The following COBLL1 variants were observed in gnomAD, a reference collection of about 807,000 sequenced individuals.
The protein encoded by COBLL1 is cordon-bleu WH2 repeat protein like 1, also known as cordon-bleu protein-like 1.
Under a neutral mutation model 94.8 loss-of-function variants are expected in COBLL1, and 50 were observed. That is an observed-to-expected ratio of 0.53 (90% CI 0.42 to 0.67). COBLL1 has a LOEUF of 0.67. COBLL1 is among the 30% of genes least tolerant of loss of function. COBLL1 has a pLI of 0.00. For missense variants in COBLL1, 1,362 were observed against 1,348.7 expected (o/e 1.01, Z -0.15); for synonymous variants, 448 against 473.8 (o/e 0.95, Z 0.71).
intron 2 of COBLL1, among the ~76,000 whole-genome samples, chr2:164,816,016 G>C (rs1684726111): frequency 6.6e-6 from 1 of 152,078 alleles, no homozygotes; most frequent in Non-Finnish European, 1.5e-5. Flanking sequence ...GAGAAATCTT[G>C]CACTAAGAAG....
chr2:164,833,223 ACATG>A (rs1683161516), intron 2 of COBLL1, among the ~76,000 whole-genome samples: 2 of 151,504 alleles, frequency 1.3e-5, no homozygotes, highest in South Asian at 4.2e-4. Context: ...GCATGGTGGC[ACATG>A]CCTGTAATTC....
chr2:164,696,322 T>C (rs1418490836), intron 11 of COBLL1: 1 of 152,288 alleles, frequency 6.6e-6, no homozygotes, highest in Non-Finnish European at 1.5e-5. Flanking sequence ...AGCATATTTA[T>C]ATTTTCATAC....
At chr2:164,841,871 G>C (rs142621843), upstream of COBLL1, 3 of 1,023,110 alleles carry the variant, frequency 2.9e-6, no homozygotes, top group Middle Eastern at 2.8e-4. This position sits in a 1 kb window ranked among gnomAD's most constrained non-coding sequence, Gnocchi z 5.5. Context: ...GGGCAGGGCC[G>C]ACTCAGCACC....
intron 7 of COBLL1, among the ~76,000 whole-genome samples, chr2:164,709,495 A>C (rs1214060674): frequency 6.6e-6 from 1 of 152,212 alleles, no homozygotes; most frequent in East Asian, 1.9e-4. Context: ...AGATAGGTAG[A>C]ATATCTGAGG....
intron 2 of COBLL1, among the ~76,000 whole-genome samples, chr2:164,658,417 AG>A (rs1304743853): frequency 6.6e-6 from 1 of 152,168 alleles, no homozygotes; most frequent in Non-Finnish European, 1.5e-5. Context: ...AGGCCGGTCC[AG>A]GGGTCCACGG....
chr2:164,703,041 C>T lies in COBLL1; in HGVS notation c.1225+1403G>A, dbSNP rs145114804. On this transcript the variant is annotated intron_variant, in intron 9 of 13. Coordinates refer to ENST00000652658, the MANE Select transcript of COBLL1 (RefSeq NM_001365672.2). ...AGGTTTCAATAGCTCATCAAATTTA[C>T]AGTCGATGATATCTTAACCTGCCTG... 3.3e-5 allele frequency: 29 copies of T among 883,774 alleles called. No homozygotes were observed. In the African/African-American group the frequency reaches 3.4e-4, roughly 10 times the overall value. 54.7% of individuals were successfully genotyped at this position (883,774 alleles called of 1,614,324 possible).
intron 2 of COBLL1, among the ~76,000 whole-genome samples, chr2:164,783,643 A>G (rs1688813228): frequency 6.6e-6 from 1 of 152,090 alleles, no homozygotes; most frequent in Non-Finnish European, 1.5e-5. Context: ...ACACTTTCAT[A>G]TTATAAGCAA....
At chr2:164,665,532 C>T (rs1008689936) in intron 2 of COBLL1, among the ~76,000 whole-genome samples, 4 of 150,564 alleles carry the variant, frequency 2.7e-5, no homozygotes, top group African/African-American at 9.8e-5. Context: ...GAAAACCCTA[C>T]CCCAGAAATT....
intron 2 of COBLL1, among the ~76,000 whole-genome samples, chr2:164,794,078 G>C (rs1242671658): frequency 6.6e-6 from 1 of 152,114 alleles, no homozygotes; most frequent in Non-Finnish European, 1.5e-5. Flanking sequence ...AGAAATGGCA[G>C]AGTAAATTTG....
In COBLL1 at chr2:164,824,302, A is replaced by T. The variant is rs749391293; in HGVS notation, c.41+16854T>A. On this transcript the variant is annotated intron_variant, in intron 2 of 13. Transcript: ENST00000652658. ...AGGCTGAGACGGGAGAATTGCTTGA[A>T]CCTGGGAGGTGGAGGTTGCAGTAAG... is the stretch of plus-strand genomic sequence containing the variant. 4.2e-4 allele frequency among the ~76,000 whole-genome samples: 64 copies of T among 151,622 alleles called. 1 individual carries two copies. Among genetic ancestry groups the T allele is most frequent in the Admixed American group, 2.6e-4 (4 of 15,176 alleles).
chr2:164,834,059 G>C (rs1683210221), intron 2 of COBLL1, among the ~76,000 whole-genome samples: 1 of 152,056 alleles, frequency 6.6e-6, no homozygotes, highest in Non-Finnish European at 1.5e-5. Context: ...TACTGTAGCA[G>C]ATGGGGGAAA....
rs140746906 is a variant in COBLL1 at position 164,732,034 on chromosome 2, C to T, written c.231-1919G>A. Among the ~76,000 whole-genome samples the T allele has an allele frequency of 9.9e-3, 1,503 of 152,186 alleles. 17 individuals are homozygous for T. The highest frequency in any genetic ancestry group is 0.018 in the Admixed American group (280 of 15,298). On this transcript the variant is annotated intron_variant, in intron 3 of 13. Transcript: ENST00000652658. ...AGCCCCCATCTCTACTTTCTGTGGT[C>T]GCTGCCTACTCCTAGGCCAGTCCAA...
intron 2 of COBLL1, among the ~76,000 whole-genome samples, chr2:164,787,949 T>C (rs1259150397): frequency 1.3e-5 from 2 of 152,210 alleles, no homozygotes; most frequent in East Asian, 3.8e-4. Flanking sequence ...TTTGAAAATG[T>C]GGGAAGCTCT....
intron 5 of COBLL1, among the ~76,000 whole-genome samples, chr2:164,725,405 C>A (rs1685676891): frequency 6.6e-6 from 1 of 151,628 alleles, no homozygotes; most frequent in African/African-American, 2.4e-5. Flanking sequence ...ATAAATATAA[C>A]CAGAATATTT....
intron 2 of COBLL1, among the ~76,000 whole-genome samples, chr2:164,834,988 A>T (rs1029602200): frequency 6.6e-6 from 1 of 152,182 alleles, no homozygotes; most frequent in African/African-American, 2.4e-5. Flanking sequence ...GGGGGGCTCT[A>T]TAACATAAAC....
intron 13 of COBLL1, 54 bp from the exon 14 acceptor site, chr2:164,686,086 T>C: frequency 3.2e-6 from 3 of 925,788 alleles, no homozygotes; most frequent in Non-Finnish European, 1.6e-6. Context: ...GATAGCTGTC[T>C]AATTTTCAAT....
At chr2:164,716,057 G>A (rs1203786386) in intron 7 of COBLL1, among the ~76,000 whole-genome samples, 1 of 152,112 alleles carries the variant, frequency 6.6e-6, no homozygotes, top group East Asian at 1.9e-4. Flanking sequence ...ATCAGCTTAT[G>A]AGGCTAATTT....
chr2:164,779,243 T>A (rs1481591722), intron 2 of COBLL1, among the ~76,000 whole-genome samples: 1 of 152,106 alleles, frequency 6.6e-6, no homozygotes, highest in African/African-American at 2.4e-5. Context: ...AACATGTAAA[T>A]ATTACCATAG....
rs538939790 is a variant in COBLL1 at position 164,696,860 on chromosome 2, T to C, written c.1556-1024A>G. 4 of 152,342 alleles carry C rather than the reference T, an allele frequency of 2.6e-5. No individual in the cohort carries two copies. The South Asian group carries it at 6.2e-4, about 24-fold the overall frequency. The allele number at this position is 152,342 out of a possible 1,614,324, so 9.4% of individuals were successfully genotyped here. On this transcript the variant is annotated intron_variant, in intron 11 of 13. Transcript: ENST00000652658. ...GCTTCCTGCACCATCACTGTGCTTATCTTCAAAACCCTAGTGGCCTTTTCA... is the reference window on the plus strand; with the variant it reads ...GCTTCCTGCACCATCACTGTGCTTACCTTCAAAACCCTAGTGGCCTTTTCA...
Sources: allele counts gnomAD v4.1 joint callset (sites outside exome capture counted in the v4.1 genomes callset), GRCh38; gene constraint gnomAD v4.1.1; non-coding constraint Gnocchi (gnomAD v3.1); transcripts MANE v1.5; gene names NCBI Gene and HGNC (gene_info 2026-07-23, HGNC 2026-07-21).